PCDH11X: variants seen among roughly 807,000 people sequenced by gnomAD.
The protein encoded by PCDH11X is protocadherin 11 X-linked.
In PCDH11X, 18 loss-of-function variants were observed where a neutral mutation model predicts 53.3. The ratio of observed to expected loss-of-function variants is 0.34; its 90% CI spans 0.23 to 0.50. The LOEUF (loss-of-function observed/expected upper bound fraction) is 0.50, where lower values mean the gene tolerates loss of function less well. Ranked by LOEUF, PCDH11X falls within the 20% of genes least tolerant of loss-of-function variation. The probability of loss-of-function intolerance (pLI) is 0.98; values close to 1 mark genes in which losing one functional copy is unlikely to be tolerated. For missense variants in PCDH11X, 570 were observed against 1,032.4 expected, an observed-to-expected ratio of 0.55 and a Z score of 6.14; for synonymous variants, 279 against 393.3, an observed-to-expected ratio of 0.71 and a Z score of 3.44.
chrX:91,818,264 CT>C (rs1936515359), intron 4 of PCDH11X, among the ~76,000 whole-genome samples: 1 of 111,040 alleles, frequency 9.0e-6, no homozygotes, highest in Non-Finnish European at 1.9e-5. Flanking sequence ...TCTTTATTTT[CT>C]TTTTTCGTAA....
At chrX:91,963,111 A>G (rs2061814683) in intron 6 of PCDH11X, among the ~76,000 whole-genome samples, 1 of 112,033 alleles carries the variant, frequency 8.9e-6, no homozygotes. Flanking sequence ...CTTTTTACTT[A>G]TGCAAATTCC....
At chrX:92,253,438 A>G (rs914385435) in intron 7 of PCDH11X, among the ~76,000 whole-genome samples, 1 of 106,572 alleles carries the variant, frequency 9.4e-6, no homozygotes, top group Non-Finnish European at 1.9e-5. Flanking sequence ...TTGTGGTTCC[A>G]TATAAATTTT....
In PCDH11X at chrX:92,192,085, A is replaced by G. The variant is rs1412587174; in HGVS notation, c.3034-9290A>G. Among the ~76,000 whole-genome samples, 5 of 111,665 alleles carry G rather than the reference A, an allele frequency of 4.5e-5. No individual in the cohort carries two copies. In the Admixed American group the frequency reaches 4.8e-4, roughly 11 times the overall value. Reference sequence around the variant, plus strand: ...TGATATGGATCTTGATATGAGTCATAATTTTTTTAATGAAGGAGAACCATT... The same window carrying G: ...TGATATGGATCTTGATATGAGTCATGATTTTTTTAATGAAGGAGAACCATT... On this transcript the variant is annotated intron_variant, in intron 6 of 10. Coordinates refer to ENST00000682573, the MANE Select transcript of PCDH11X (RefSeq NM_032968.5).
intron 10 of PCDH11X, among the ~76,000 whole-genome samples, chrX:92,486,279 T>C (rs186123248): frequency 2.7e-5 from 3 of 111,501 alleles, no homozygotes; most frequent in Non-Finnish European, 3.8e-5. Context: ...AAAATAAGCC[T>C]ATATAAATAT....
At chrX:92,322,179 A>T (rs1052297745) in intron 8 of PCDH11X, among the ~76,000 whole-genome samples, 4 of 110,241 alleles carry the variant, frequency 3.6e-5, no homozygotes, top group Non-Finnish European at 7.6e-5. Flanking sequence ...AGAGTACTAA[A>T]TATTCAGTAT....
At chrX:92,089,413 T>C (rs892303973) in intron 6 of PCDH11X, among the ~76,000 whole-genome samples, 4 of 112,260 alleles carry the variant, frequency 3.6e-5, no homozygotes, top group Non-Finnish European at 5.6e-5. Context: ...TCTCTCATGG[T>C]CTCTTGAAAT....
chrX:92,423,869 A>T (rs1358134016), intron 9 of PCDH11X, among the ~76,000 whole-genome samples: 6 of 96,942 alleles, frequency 6.2e-5, no homozygotes, highest in Non-Finnish European at 1.4e-4. Context: ...TTATACCTGT[A>T]CCATGCTGTT....
At chrX:92,061,381 C>T (rs887423125) in intron 6 of PCDH11X, among the ~76,000 whole-genome samples, 5 of 110,909 alleles carry the variant, frequency 4.5e-5, no homozygotes, top group Middle Eastern at 4.6e-3. Flanking sequence ...TTCCTGTTGG[C>T]GAATTGTAAT....
intron 6 of PCDH11X, among the ~76,000 whole-genome samples, chrX:91,999,025 C>T (rs939942328): frequency 2.7e-5 from 3 of 109,961 alleles, no homozygotes; most frequent in Non-Finnish European, 5.7e-5. Flanking sequence ...AGGATCCTCC[C>T]ACCTCAGCCT....
At chrX:91,787,559 T>C (rs1031949321) in intron 1 of PCDH11X, among the ~76,000 whole-genome samples, 4 of 110,545 alleles carry the variant, frequency 3.6e-5, no homozygotes, top group African/African-American at 1.3e-4. Flanking sequence ...TCCCCAAAAG[T>C]AAAATGAAGG....
At chrX:92,036,432 C>G (rs902698684) in intron 6 of PCDH11X, among the ~76,000 whole-genome samples, 1 of 108,605 alleles carries the variant, frequency 9.2e-6, no homozygotes, top group Non-Finnish European at 1.9e-5. Context: ...CTGCACTGTT[C>G]TCATGATTGT....
At chrX:92,201,201 A>G (rs1447269290) in intron 6 of PCDH11X, 174 bp from the exon 7 acceptor site, 1 of 228,219 alleles carries the variant, frequency 4.4e-6, no homozygotes, top group Non-Finnish European at 6.2e-6. Context: ...TATGTGTGGC[A>G]TATTGTTAAC....
At chrX:92,175,783 T>C (rs368021904) in intron 6 of PCDH11X, among the ~76,000 whole-genome samples, 33,251 of 85,552 alleles carry the variant, frequency 0.39, 4,970 homozygotes, top group Non-Finnish European at 0.45. Flanking sequence ...TGTGTATATA[T>C]ATACACACAC....
intron 6 of PCDH11X, among the ~76,000 whole-genome samples, chrX:92,192,555 G>C (rs904783676): frequency 9.1e-6 from 1 of 110,084 alleles, no homozygotes; most frequent in Non-Finnish European, 1.9e-5. Flanking sequence ...TACCATGTTG[G>C]CTAGGATGGT....
intron 10 of PCDH11X, among the ~76,000 whole-genome samples, chrX:92,591,910 C>A (rs1244361338): frequency 9.1e-6 from 1 of 110,158 alleles, no homozygotes; most frequent in Non-Finnish European, 1.9e-5. Context: ...CCTCTACTCT[C>A]TTTCTGGAAA....
chrX:92,471,189 A>G (rs2148664102), intron 10 of PCDH11X, among the ~76,000 whole-genome samples: 1 of 100,463 alleles, frequency 1.0e-5, no homozygotes, highest in Non-Finnish European at 2.0e-5. Context: ...GATTTGTTGC[A>G]CAGTTTGTTT....
intron 6 of PCDH11X, among the ~76,000 whole-genome samples, chrX:91,919,794 A>T (rs1245985771): frequency 1.8e-5 from 2 of 112,165 alleles, no homozygotes; most frequent in African/African-American, 6.5e-5. Context: ...AAGTAAAAAA[A>T]ATGAAGTTTA....
At position 91,993,764 on chromosome X, in the gene PCDH11X, G is replaced by A. The variant is rs893116743; in HGVS notation, c.3033+114491G>A. Among the ~76,000 whole-genome samples, 9 of 111,546 alleles carry A rather than the reference G, an allele frequency of 8.1e-5. No homozygotes were observed. The East Asian group carries it at 1.1e-3, about 14-fold the overall frequency. ...AAAACTGCTTTAAAAGGCTGCTTTC[G>A]GGAAATAAAAAGAAAGGGACCTGTT... On this transcript the variant is annotated intron_variant, in intron 6 of 10. Transcript: ENST00000682573.
chrX:92,242,371 C>A (rs756924099), intron 7 of PCDH11X, among the ~76,000 whole-genome samples: 11 of 111,197 alleles, frequency 9.9e-5, no homozygotes, highest in African/African-American at 2.9e-4. Context: ...CATAGTGAAA[C>A]CTCGTATGTA....
Sources: allele counts gnomAD v4.1 joint callset (sites outside exome capture counted in the v4.1 genomes callset), GRCh38; gene constraint gnomAD v4.1.1; transcripts MANE v1.5; gene names NCBI Gene and HGNC (gene_info 2026-07-23, HGNC 2026-07-21).